COCH: variants seen among roughly 807,000 people sequenced by gnomAD.
COCH encodes cochlin.
A neutral mutation model predicts 54.8 loss-of-function variants in COCH; 40 were observed. That is an observed-to-expected ratio of 0.73 (90% CI 0.57 to 0.95). COCH has a LOEUF of 0.95. Among genes scored for constraint, COCH ranks in the 40% least tolerant of loss-of-function variants. The pLI is 0.00. For synonymous variants in COCH, 256 were observed against 237.9 expected (o/e 1.08, Z -0.70); for missense variants, 605 against 675.0 (o/e 0.90, Z 1.15).
At chr14:30,894,924 T>C, downstream of COCH, 1 of 1,114,694 alleles carries the variant, frequency 9.0e-7, no homozygotes, top group Non-Finnish European at 1.1e-6. Context: ...AAAATAAGTT[T>C]AAAAGGGAAT....
At chr14:30,880,392 G>T in intron 6 of COCH, 60 bp from the exon 7 acceptor site, 1 of 1,602,638 alleles carries the variant, frequency 6.2e-7, no homozygotes, top group South Asian at 1.1e-5. Context: ...CTCCCCATGT[G>T]GGTTTCTTGC....
intron 3 of COCH, chr14:30,876,610 G>A (rs965054809): frequency 6.6e-6 from 1 of 152,028 alleles, no homozygotes; most frequent in African/African-American, 2.4e-5. Context: ...TCTTTTTGTT[G>A]GCTTCCTTAA....
chr14:30,889,663 C>T lies in COCH; in HGVS notation c.1525C>T (p.Leu509=). Residue 509 remains leucine (L), a synonymous_variant, in exon 12 of 12, where the codon CTG becomes TTG. Coordinates refer to ENST00000396618, the MANE Select transcript of COCH (RefSeq NM_004086.3). ...VGVAWAPLDD[L]KDMASKPKES... ...TGTGGCTTGGGCACCTCTGGATGAC[C>T]TGAAAGATATGGCTTCTAAACCGAA... 1 of 1,613,966 alleles carries T rather than the reference C, an allele frequency of 6.2e-7. No individual in the cohort carries two copies. The highest frequency in any genetic ancestry group is 8.5e-7 in the Non-Finnish European group (1 of 1,179,902).
At chr14:30,887,686 A>G in intron 11 of COCH, among the ~76,000 whole-genome samples, 1 of 152,100 alleles carries the variant, frequency 6.6e-6, no homozygotes, top group Non-Finnish European at 1.5e-5. Context: ...TCCCTACTTA[A>G]TTCCTAATGA....
chr14:30,887,638 T>C (rs1354642780), intron 11 of COCH, among the ~76,000 whole-genome samples: 1 of 152,138 alleles, frequency 6.6e-6, no homozygotes, highest in Non-Finnish European at 1.5e-5. Flanking sequence ...GAAGAATCAA[T>C]GGACTTGTTT....
chr14:30,875,645 T>C (rs1487012192), intron 3 of COCH: 1 of 248,066 alleles, frequency 4.0e-6, no homozygotes, highest in African/African-American at 2.2e-5. Flanking sequence ...CTAGAGAGTT[T>C]AAAAAGTTTG....
At position 30,877,619 on chromosome 14, in the gene COCH, G is replaced by C; in HGVS notation, c.130G>C (p.Glu44Gln). The change falls in exon 4 of 12, where the codon GAG becomes CAG. Residue 44 changes from glutamate to glutamine, a missense_variant. Physicochemically the swap from Glu to Gln is conservative, Grantham distance 29. Transcript: ENST00000396618. The surrounding 1 kb of genome is among the most constrained non-coding windows in gnomAD (Gnocchi z 8.6). ...CFTRGLDIRK[E>Q]KADVLCPGGC... Reference sequence around the variant, plus strand: ...TACCAGAGGCTTGGACATCAGGAAAGAGAAAGCAGATGTCCTCTGCCCAGG... The same window carrying C: ...TACCAGAGGCTTGGACATCAGGAAACAGAAAGCAGATGTCCTCTGCCCAGG... The C allele has an allele frequency of 3.1e-6, 5 of 1,614,232 alleles. No individual in the cohort carries two copies. Among genetic ancestry groups the C allele is most frequent in the Non-Finnish European group, 4.2e-6 (5 of 1,180,042 alleles).
intron 8 of COCH, among the ~76,000 whole-genome samples, chr14:30,882,853 T>A (rs1414121982): frequency 1.3e-5 from 2 of 152,164 alleles, no homozygotes; most frequent in African/African-American, 4.8e-5. Flanking sequence ...GGCACCACTC[T>A]ACTCCAGCCT....
At chr14:30,894,240 A>G (rs1355945345), downstream of COCH, 1 of 152,340 alleles carries the variant, frequency 6.6e-6, no homozygotes, top group East Asian at 1.9e-4. Flanking sequence ...TTTACTCCAA[A>G]TATTTTTAAA....
downstream of COCH, chr14:30,895,415 A>G (rs1325192207): frequency 2.5e-6 from 4 of 1,602,134 alleles, no homozygotes; most frequent in Non-Finnish European, 3.4e-6. Context: ...GTTGATTCAT[A>G]CAAATACTTT....
intron 11 of COCH, among the ~76,000 whole-genome samples, chr14:30,887,147 C>CAAATGTAATTCAGCACA (rs1895817047): frequency 6.6e-6 from 1 of 152,120 alleles, no homozygotes; most frequent in African/African-American, 2.4e-5. Context: ...TAATTCAGCA[C>CAAATGTAATTCAGCACA]TTTGGGAGGC....
chr14:30,886,385 T>A, intron 11 of COCH, 73 bp downstream of exon 11: 1 of 1,523,928 alleles, frequency 6.6e-7, no homozygotes, highest in South Asian at 1.1e-5. Context: ...AAATAAAAAT[T>A]TAAGCATTTA....
Position 30,890,393 on chromosome 14 carries a change from A to G in COCH, c.*602A>G, listed in dbSNP as rs2138900900. 1.0e-6 allele frequency: 1 copy of G among 984,914 alleles called. No individual in the cohort carries two copies. The highest frequency in any genetic ancestry group is 6.1e-5 in the Admixed American group (1 of 16,290). The allele number at this position is 984,914 out of a possible 1,614,324, so 61.0% of individuals were successfully genotyped here. On this transcript the variant is annotated 3_prime_UTR_variant, in exon 12 of 12. Coordinates refer to ENST00000396618, the MANE Select transcript of COCH (RefSeq NM_004086.3). ...TATGACTAAAAATATCACACTGAAT[A>G]AGAGAGCAGGATTGCCAGGTATTTT...
chr14:30,885,765 T>C, intron 10 of COCH, 31 bp from the exon 11 acceptor site: 1 of 1,612,768 alleles, frequency 6.2e-7, no homozygotes, highest in Non-Finnish European at 8.5e-7. Context: ...TTTGATCCTT[T>C]TGGATATCTT....
chr14:30,882,120 G>GTTTTGTTTTTTTTTTTTTTTT (rs1895617844), intron 8 of COCH, among the ~76,000 whole-genome samples: 9 of 67,894 alleles, frequency 1.3e-4, no homozygotes, highest in Non-Finnish European at 1.9e-4. Flanking sequence ...CTATAAAATG[G>GTTTTGTTTTTTTTTTTTTTTT]TTTTTTTTTT....
Position 30,877,855 on chromosome 14 carries a change from G to A in COCH, c.239+127G>A. ...GTTGCCATTGTGGCCACAGAAAATG[G>A]ATATATTTTCACGGTTCTCCTGGAT... is the stretch of plus-strand genomic sequence containing the variant. On this transcript the variant is annotated intron_variant, in intron 4 of 11. Transcript: ENST00000396618. The surrounding 1 kb of genome is among the most constrained non-coding windows in gnomAD (Gnocchi z 8.6). 1 of 1,495,776 alleles carries A rather than the reference G, an allele frequency of 6.7e-7. No homozygotes were observed. Among genetic ancestry groups the A allele is most frequent in the Non-Finnish European group, 9.1e-7 (1 of 1,104,440 alleles). 92.7% of individuals were successfully genotyped at this position (1,495,776 alleles called of 1,614,324 possible).
rs925964017 is a variant in COCH, at chr14:30,885,954, T to C, written c.1119T>C (p.Asp373=). The change falls in exon 11 of 12, where the codon GAT becomes GAC. Residue 373 remains aspartate, a synonymous_variant. Coordinates refer to ENST00000396618, the MANE Select transcript of COCH (RefSeq NM_004086.3). ...YNSVNIAFLI[D]GSSSVGDSNF... is the part of the protein sequence containing the mutation. ...CAGTGAACATTGCCTTTCTAATTGA[T>C]GGCTCCAGCAGTGTTGGAGATAGCA... 7.4e-6 allele frequency: 12 copies of C among 1,614,232 alleles called. No individual in the cohort carries two copies. Among genetic ancestry groups the C allele is most frequent in the Non-Finnish European group, 8.5e-6 (10 of 1,180,026 alleles).
At chr14:30,879,914 C>T (rs879940038) in intron 6 of COCH, among the ~76,000 whole-genome samples, 52 of 152,282 alleles carry the variant, frequency 3.4e-4, no homozygotes, top group African/African-American at 1.1e-3. Flanking sequence ...CCTCCCACTT[C>T]AGCCTCCCAA....
At chr14:30,885,093 G>T in intron 9 of COCH, 1 of 1,568,820 alleles carries the variant, frequency 6.4e-7, no homozygotes, top group Non-Finnish European at 8.6e-7. Flanking sequence ...ATGGAAGTGG[G>T]AATCAGTTTT....
Sources: allele counts gnomAD v4.1 joint callset (sites outside exome capture counted in the v4.1 genomes callset), GRCh38; gene constraint gnomAD v4.1.1; non-coding constraint Gnocchi (gnomAD v3.1); transcripts MANE v1.5; gene names NCBI Gene and HGNC (gene_info 2026-07-23, HGNC 2026-07-21).